The following ASB16 variants were observed in gnomAD, a reference collection of about 807,000 sequenced individuals.
ASB16 encodes ankyrin repeat and SOCS box containing 16, also known as ankyrin repeat and SOCS box protein 16.
Under a neutral mutation model 39.1 loss-of-function variants are expected in ASB16, and 44 were observed. The ratio of observed to expected loss-of-function variants is 1.13; its 90% CI spans 0.88 to 1.45. The LOEUF (loss-of-function observed/expected upper bound fraction) is 1.45. ASB16 is among the 40% of genes most tolerant of loss of function. The probability of loss-of-function intolerance (pLI) is 0.00; values close to 1 mark genes in which losing one functional copy is unlikely to be tolerated. For missense variants in ASB16, 698 were observed against 634.5 expected (o/e 1.10, Z -1.07); for synonymous variants, 305 against 286.7 (o/e 1.06, Z -0.64).
Position 44,178,430 on chromosome 17 carries a change from C to T in ASB16, c.*40C>T, listed in dbSNP as rs768697582. 2.0e-6 allele frequency: 3 copies of T among 1,514,256 alleles called. No individual in the cohort carries two copies. The highest frequency in any genetic ancestry group is 2.5e-5 in the South Asian group (2 of 80,162). 93.8% of individuals were successfully genotyped at this position (1,514,256 alleles called of 1,614,324 possible). On this transcript the variant is annotated 3_prime_UTR_variant, in exon 5 of 5. Transcript: ENST00000293414. Reference sequence around the variant, plus strand: ...TGTCCCATGGTGTGTTCTGCCCCTCCCACCTGTCCCCGCCTCCAACTGCGG... The same window carrying T: ...TGTCCCATGGTGTGTTCTGCCCCTCTCACCTGTCCCCGCCTCCAACTGCGG...
rs2054249655 is a variant in ASB16 at position 44,172,271 on chromosome 17, G to A, written c.527G>A (p.Gly176Asp). 1.9e-6 allele frequency: 3 copies of A among 1,613,570 alleles called. No individual in the cohort carries two copies. Among genetic ancestry groups the A allele is most frequent in the Non-Finnish European group, 2.5e-6 (3 of 1,180,050 alleles). ...AAGGCTAATGTGCTGACTGAGGAGG[G>A]CACGACTCCTTTGCACCTCTGCACG... ...GAKANVLTEE[G>D]TTPLHLCTIP... Residue 176 changes from glycine (G) to aspartate (D), a missense_variant, in exon 2 of 5, where the codon GGC becomes GAC. Gly to Asp is a moderately conservative substitution (Grantham distance 94, BLOSUM62 -1). Transcript: ENST00000293414.
chr17:44,177,620 C>T lies in ASB16; in HGVS notation c.1074C>T (p.His358=), dbSNP rs1322579160. ...AQPVRPEMLK[H]CANFPRALEV... ...CTTTTGACCCCTAGATGCTGAAACA[C>T]TGCGCCAACTTCCCTCGGGCCCTGG... Residue 358 remains histidine (H), a synonymous_variant, in exon 4 of 5, where the codon CAC becomes CAT. Coordinates refer to ENST00000293414, the MANE Select transcript of ASB16 (RefSeq NM_080863.5). 1 of 1,613,750 alleles carries T rather than the reference C, an allele frequency of 6.2e-7. No individual in the cohort carries two copies. The highest frequency in any genetic ancestry group is 1.7e-5 in the Admixed American group (1 of 59,978).
intron 1 of ASB16, 47 bp from the exon 2 acceptor site, chr17:44,171,999 C>T: frequency 6.4e-7 from 1 of 1,573,400 alleles, no homozygotes; most frequent in Non-Finnish European, 8.7e-7. Flanking sequence ...ACTCCCTGCC[C>T]TGCCCTGTCT....
chr17:44,170,998 T>G lies in ASB16; in HGVS notation c.209T>G (p.Leu70Arg). The change falls in exon 1 of 5, where the codon CTG (leucine) becomes CGG (arginine). Residue 70 changes from leucine to arginine, a missense_variant. By Grantham distance (102) the Leu-to-Arg change is moderately radical (BLOSUM62 -2). Transcript: ENST00000293414. ...AVHQALFSGN[L>R]QQVQALFQDE... ...CACCAAGCCCTCTTCTCCGGCAACCTGCAGCAGGTCCAAGCCCTGTTCCAA... is the reference window on the plus strand; with the variant it reads ...CACCAAGCCCTCTTCTCCGGCAACCGGCAGCAGGTCCAAGCCCTGTTCCAA... 1.9e-6 allele frequency: 3 copies of G among 1,613,994 alleles called. No individual in the cohort carries two copies. The highest frequency in any genetic ancestry group is 2.5e-6 in the Non-Finnish European group (3 of 1,179,992).
At position 44,176,926 on chromosome 17, in the gene ASB16, G is replaced by C; in HGVS notation, c.758G>C (p.Gly253Ala). The C allele has an allele frequency of 2.6e-6, 4 of 1,541,486 alleles. No homozygotes were observed. Among genetic ancestry groups the C allele is most frequent in the Non-Finnish European group, 1.7e-6 (2 of 1,153,678 alleles). Residue 253 changes from glycine (G) to alanine (A), a missense_variant, in exon 3 of 5, where the codon GGG becomes GCG. Coordinates refer to ENST00000293414, the MANE Select transcript of ASB16 (RefSeq NM_080863.5). ...ACTGCGCTGAACACGGCGTGCGCTG[G>C]GGCCGAGGGCCCAGGTAGCTGCAGG... ...GETALNTACAGAEGPGSCRRH... is the reference protein window; with the variant it reads ...GETALNTACAAAEGPGSCRRH...
intron 2 of ASB16, among the ~76,000 whole-genome samples, chr17:44,173,585 C>T (rs1016537195): frequency 4.0e-5 from 6 of 151,746 alleles, no homozygotes; most frequent in Non-Finnish European, 5.9e-5. Flanking sequence ...CCTAGCTACT[C>T]GGGAGGCTGA....
Position 44,172,197 on chromosome 17 carries a change from TG to T in ASB16, c.454del (p.Ala152ProfsTer12). The T allele has an allele frequency of 6.2e-7, 1 of 1,613,508 alleles. No individual in the cohort carries two copies. Reference protein sequence around the residue: ...GGRAALHEACARAQFDCVRLL... With the variant: ...GGRAALHEACXRAQFDCVRLL... Reference sequence around the variant, plus strand: ...GTCGCGCTGCCTTGCATGAGGCCTGTGCCCGAGCCCAGTTTGACTGTGTGCG... The same window carrying T: ...GTCGCGCTGCCTTGCATGAGGCCTGTCCCGAGCCCAGTTTGACTGTGTGCG... On this transcript the variant is annotated frameshift_variant, in exon 2 of 5. Transcript: ENST00000293414. LOFTEE classifies it high-confidence loss of function.
chr17:44,170,902 G>C lies in ASB16; in HGVS notation c.113G>C (p.Ser38Thr), dbSNP rs779878771. The part of the protein sequence containing the change: ...RRRAAAQQCR[S>T]RRCPSSPRAR... ...CGGGCGGCTGCCCAGCAGTGCCGGAGCCGCAGGTGCCCGTCAAGTCCCCGG... is the reference window on the plus strand; with the variant it reads ...CGGGCGGCTGCCCAGCAGTGCCGGACCCGCAGGTGCCCGTCAAGTCCCCGG... Residue 38 changes from serine to threonine, a missense_variant, in exon 1 of 5, where the codon AGC (serine) becomes ACC (threonine). Physicochemically the swap from Ser to Thr is moderately conservative, Grantham distance 58. Coordinates refer to ENST00000293414, the MANE Select transcript of ASB16 (RefSeq NM_080863.5). 3 of 1,612,170 alleles carry C rather than the reference G, an allele frequency of 1.9e-6. No individual in the cohort carries two copies.
chr17:44,171,995 T>C, intron 1 of ASB16, 51 bp from the exon 2 acceptor site: 1 of 1,560,146 alleles, frequency 6.4e-7, no homozygotes. Context: ...CCCCACTCCC[T>C]GCCCTGCCCT....
chr17:44,175,100 TCA>T (rs2054276281), intron 2 of ASB16, among the ~76,000 whole-genome samples: 4 of 78,686 alleles, frequency 5.1e-5, no homozygotes, highest in African/African-American at 2.5e-4. Flanking sequence ...AGACTCTGCC[TCA>T]AAAAAAAAAA....
rs2054334465 is a variant in ASB16 at position 44,178,551 on chromosome 17, C to T, written c.*161C>T. 11 of 738,520 alleles carry T rather than the reference C, an allele frequency of 1.5e-5. No individual in the cohort carries two copies. The highest frequency in any genetic ancestry group is 3.8e-5 in the South Asian group (2 of 52,510). The allele number at this position is 738,520 out of a possible 1,614,324, so 45.7% of individuals were successfully genotyped here. A position where few individuals can be genotyped will look rare whatever the true frequency, so the allele number is the denominator to read the frequency against. On this transcript the variant is annotated 3_prime_UTR_variant, in exon 5 of 5. Transcript: ENST00000293414. ...GCAGTGGCGCTATCTCGGCTCACTG[C>T]AACTTCTACCACCTAGGTTCAAGCG...
At position 44,178,286 on chromosome 17, in the gene ASB16, C is replaced by T. The variant is rs1466290085; in HGVS notation, c.1258C>T (p.Arg420Cys). Residue 420 changes from arginine to cysteine, a missense_variant, in exon 5 of 5, where the codon CGC becomes TGC. Arg to Cys is a radical substitution (Grantham distance 180). Coordinates refer to ENST00000293414, the MANE Select transcript of ASB16 (RefSeq NM_080863.5). ...QLQHLARLAV[R>C]ARLGSRCRQG... is the part of the protein sequence containing the mutation. ...GCAGCACCTGGCCCGACTAGCTGTG[C>T]GCGCTCGGTTGGGAAGCCGCTGCCG... The T allele has an allele frequency of 9.3e-6, 15 of 1,613,036 alleles. No homozygotes were observed. Among genetic ancestry groups the T allele is most frequent in the South Asian group, 2.2e-5 (2 of 91,022 alleles).
rs200302229 is a variant in ASB16 at position 44,177,621 on chromosome 17, T to G, written c.1075T>G (p.Cys359Gly). The G allele has an allele frequency of 2.6e-5, 42 of 1,613,764 alleles. No homozygotes were observed. The Admixed American group carries it at 6.7e-4, about 26-fold the overall frequency. Residue 359 changes from cysteine (C) to glycine (G), a missense_variant, in exon 4 of 5, where the codon TGC (cysteine) becomes GGC (glycine). Coordinates refer to ENST00000293414, the MANE Select transcript of ASB16 (RefSeq NM_080863.5). ...TTTTGACCCCTAGATGCTGAAACAC[T>G]GCGCCAACTTCCCTCGGGCCCTGGA... is the stretch of plus-strand genomic sequence containing the variant. ...QPVRPEMLKH[C>G]ANFPRALEVL...
chr17:44,178,310 C>T lies in ASB16; in HGVS notation c.1282C>T (p.Arg428Trp), dbSNP rs75035743. Residue 428 changes from arginine to tryptophan, a missense_variant, in exon 5 of 5, where the codon CGG becomes TGG. Physicochemically the swap from Arg to Trp is moderately radical, Grantham distance 101. Coordinates refer to ENST00000293414, the MANE Select transcript of ASB16 (RefSeq NM_080863.5). ...AVRARLGSRC[R>W]QGATRLPLPP... is the part of the protein sequence containing the mutation. The stretch of plus-strand genomic sequence containing the variant: ...GCGCGCTCGGTTGGGAAGCCGCTGC[C>T]GGCAGGGTGCCACCCGGCTGCCACT... The T allele has an allele frequency of 9.0e-4, 1,455 of 1,612,024 alleles. 2 individuals are homozygous for T. The highest frequency in any genetic ancestry group is 1.1e-3 in the Non-Finnish European group (1,282 of 1,179,544).
Position 44,177,119 on chromosome 17 carries a change from C to T in ASB16, c.951C>T (p.Gly317=). The change falls in exon 3 of 5, where the codon GGC becomes GGT. Residue 317 remains glycine, a synonymous_variant. Transcript: ENST00000293414. ...GCGCTGAGGTCCCCAATGGGGCGGG[C>T]CACACGCCCATGGACTGTGCGCTGC... The part of the protein sequence containing the change: ...GARAEVPNGA[G]HTPMDCALQA... 1 of 1,490,840 alleles carries T rather than the reference C, an allele frequency of 6.7e-7. No individual in the cohort carries two copies. The highest frequency in any genetic ancestry group is 8.9e-7 in the Non-Finnish European group (1 of 1,128,290). 92.4% of individuals were successfully genotyped at this position (1,490,840 alleles called of 1,614,324 possible). A position where few individuals can be genotyped will look rare whatever the true frequency, so the allele number is the denominator to read the frequency against.
At chr17:44,175,231 C>T (rs12450960) in intron 2 of ASB16, among the ~76,000 whole-genome samples, 1 of 151,034 alleles carries the variant, frequency 6.6e-6, no homozygotes, top group East Asian at 2.0e-4. Context: ...AACCCCATCT[C>T]TACTAAAAAA....
rs549158059 is a variant in ASB16, at chr17:44,178,535, C to T, written c.*145C>T. Reference sequence around the variant, plus strand: ...TTGCCCAGGCTGGAGTGCAGTGGCGCTATCTCGGCTCACTGCAACTTCTAC... The same window carrying T: ...TTGCCCAGGCTGGAGTGCAGTGGCGTTATCTCGGCTCACTGCAACTTCTAC... On this transcript the variant is annotated 3_prime_UTR_variant, in exon 5 of 5. Transcript: ENST00000293414. 1 of 881,390 alleles carries T rather than the reference C, an allele frequency of 1.1e-6. No homozygotes were observed. Among genetic ancestry groups the T allele is most frequent in the Non-Finnish European group, 1.7e-6 (1 of 593,498 alleles). 54.6% of individuals were successfully genotyped at this position (881,390 alleles called of 1,614,324 possible). A position where few individuals can be genotyped will look rare whatever the true frequency, so the allele number is the denominator to read the frequency against.
chr17:44,175,282 G>T (rs1471539119), intron 2 of ASB16, among the ~76,000 whole-genome samples: 1 of 150,652 alleles, frequency 6.6e-6, no homozygotes, highest in Non-Finnish European at 1.5e-5. Context: ...GGTGCCTGTA[G>T]TCCCAGCTAC....
chr17:44,176,541 G>A, intron 2 of ASB16, 197 bp from the exon 3 acceptor site: 1 of 799,662 alleles, frequency 1.3e-6, no homozygotes, highest in African/African-American at 1.7e-5. Context: ...TTTTTCATAT[G>A]AAAACTGAAG....
Sources: gnomAD v4.1 joint callset for allele counts (sites outside exome capture counted in the v4.1 genomes callset) on GRCh38, gnomAD v4.1.1 for gene constraint, MANE v1.5 for transcripts, NCBI Gene and HGNC (gene_info 2026-07-23, HGNC 2026-07-21) for gene names.